NELL2: variants seen among roughly 807,000 people sequenced by gnomAD.
NELL2 encodes neural EGFL like 2.
A neutral mutation model predicts 109.6 loss-of-function variants in NELL2; 41 were observed. That is an observed-to-expected ratio of 0.37 (90% CI 0.29 to 0.49). The LOEUF (loss-of-function observed/expected upper bound fraction) is 0.49, where lower values mean the gene tolerates loss of function less well. Among genes scored for constraint, NELL2 ranks in the 20% least tolerant of loss-of-function variants. The pLI, the probability that NELL2 is intolerant of heterozygous loss-of-function variation, is 0.98. For missense variants in NELL2, 900 were observed against 1,008.3 expected, an observed-to-expected ratio of 0.89 and a Z score of 1.45; for synonymous variants, 355 against 344.7, an observed-to-expected ratio of 1.03 and a Z score of -0.33.
At chr12:44,870,796 G>T (rs1945139547) in intron 2 of NELL2, among the ~76,000 whole-genome samples, 1 of 152,070 alleles carries the variant, frequency 6.6e-6, no homozygotes, top group South Asian at 2.1e-4. Flanking sequence ...GATAACCTAT[G>T]ATAGCCTCCT....
At chr12:44,735,840 A>C (rs1212369096) in intron 9 of NELL2, among the ~76,000 whole-genome samples, 2 of 152,060 alleles carry the variant, frequency 1.3e-5, no homozygotes, top group East Asian at 1.9e-4. Flanking sequence ...CAAATAACTT[A>C]GCTTTTATGC....
At chr12:44,891,118 C>A (rs1945528857) in intron 1 of NELL2, among the ~76,000 whole-genome samples, 1 of 152,198 alleles carries the variant, frequency 6.6e-6, no homozygotes, top group East Asian at 1.9e-4. Context: ...CTACTGGTGT[C>A]CAAATTAACC....
At chr12:44,520,565 T>C (rs1467979443) in intron 18 of NELL2, among the ~76,000 whole-genome samples, 1 of 152,200 alleles carries the variant, frequency 6.6e-6, no homozygotes, top group African/African-American at 2.4e-5. Context: ...AATTTAACGT[T>C]TTTGCCCATG....
rs146613723 is a variant in NELL2, at chr12:44,639,782, T to C, written c.1444+25702A>G. The stretch of plus-strand genomic sequence containing the variant: ...TGTCTTTAAAACATCAACAGTATCA[T>C]GTCTCTCCTTTACTTAAAACACTTC... On this transcript the variant is annotated intron_variant, in intron 13 of 19. Coordinates refer to ENST00000429094, the MANE Select transcript of NELL2 (RefSeq NM_001145108.2). Among the ~76,000 whole-genome samples the C allele has an allele frequency of 4.3e-4, 66 of 152,182 alleles. 2 individuals are homozygous for C. The East Asian group carries it at 0.011, about 26-fold the overall frequency.
chr12:44,640,154 AT>A (rs1192131686), intron 13 of NELL2, among the ~76,000 whole-genome samples: 2 of 152,230 alleles, frequency 1.3e-5, no homozygotes, highest in Non-Finnish European at 2.9e-5. Context: ...CTTCACAAAT[AT>A]AAATGGGTTA....
chr12:44,548,103 C>T (rs1434069690), intron 15 of NELL2, among the ~76,000 whole-genome samples: 1 of 152,102 alleles, frequency 6.6e-6, no homozygotes, highest in African/African-American at 2.4e-5. Context: ...CAGCCTGGTA[C>T]ACATTAGTCC....
intron 15 of NELL2, among the ~76,000 whole-genome samples, chr12:44,564,054 A>G (rs1039457134): frequency 6.6e-6 from 1 of 152,196 alleles, no homozygotes; most frequent in Admixed American, 6.5e-5. Flanking sequence ...TAAATGAATG[A>G]CTTTGTGATA....
chr12:44,714,775 A>G (rs775392606), intron 9 of NELL2, 34 bp from the exon 10 acceptor site: 2 of 1,359,546 alleles, frequency 1.5e-6, no homozygotes, highest in Non-Finnish European at 2.0e-6. Context: ...TATTTATTTT[A>G]TTGGGAAAAA....
intron 13 of NELL2, among the ~76,000 whole-genome samples, chr12:44,648,731 ATTTTTTT>A (rs71459072): frequency 5.8e-4 from 52 of 89,680 alleles, no homozygotes; most frequent in African/African-American, 2.1e-3. Context: ...ATATATATAT[ATTTTTTT>A]TTTTTTTTTT....
chr12:44,790,355 A>T (rs1942335523), intron 3 of NELL2, among the ~76,000 whole-genome samples: 1 of 152,152 alleles, frequency 6.6e-6, no homozygotes, highest in Admixed American at 6.5e-5. Context: ...ATCAGCCAAG[A>T]ATTTTGTATC....
intron 1 of NELL2, chr12:44,881,667 G>A (rs747358538): frequency 3.9e-5 from 6 of 151,936 alleles, no homozygotes; most frequent in Non-Finnish European, 7.4e-5. Context: ...AAAAGAAAAT[G>A]TCATCAGAAT....
chr12:44,853,725 A>C (rs1944596334), intron 2 of NELL2, among the ~76,000 whole-genome samples: 1 of 152,200 alleles, frequency 6.6e-6, no homozygotes, highest in Admixed American at 6.5e-5. Context: ...AAAAACAAAC[A>C]TATGAATGAT....
intron 15 of NELL2, among the ~76,000 whole-genome samples, chr12:44,601,016 G>T (rs1945197827): frequency 1.3e-5 from 2 of 151,958 alleles, no homozygotes; most frequent in Admixed American, 1.3e-4. Flanking sequence ...CACAATACAA[G>T]TTAATATACA....
intron 13 of NELL2, among the ~76,000 whole-genome samples, chr12:44,628,069 T>C (rs1946328620): frequency 1.3e-5 from 2 of 152,198 alleles, no homozygotes; most frequent in African/African-American, 4.8e-5. Flanking sequence ...ACGTACTTTA[T>C]AATCAATGCT....
chr12:44,522,890 T>G, intron 17 of NELL2: 1 of 172,288 alleles, frequency 5.8e-6, no homozygotes, highest in South Asian at 1.4e-4. Context: ...GATAGATAAA[T>G]ACATTGGTAT....
intron 8 of NELL2, 142 bp from the exon 9 acceptor site, chr12:44,774,991 C>G: frequency 1.6e-6 from 1 of 614,012 alleles, no homozygotes. Flanking sequence ...GGAGGCGGTG[C>G]TGACAATCAC....
chr12:44,717,403 A>C (rs1332533222), intron 9 of NELL2, among the ~76,000 whole-genome samples: 2 of 152,172 alleles, frequency 1.3e-5, no homozygotes, highest in African/African-American at 4.8e-5. Flanking sequence ...TGGAATTCAA[A>C]GACGAATTTA....
chr12:44,876,354 C>G (rs2136849766), upstream of NELL2: 1 of 1,210,320 alleles, frequency 8.3e-7, no homozygotes, highest in Admixed American at 3.9e-5. Flanking sequence ...GACTGCTCCT[C>G]CGGGGAGGGA....
intron 12 of NELL2, among the ~76,000 whole-genome samples, chr12:44,686,934 G>A (rs575439752): frequency 1.6e-4 from 25 of 152,322 alleles, no homozygotes; most frequent in African/African-American, 6.0e-4. Context: ...GAGCTGTGGT[G>A]GGCTCCACCC....
Sources: allele counts gnomAD v4.1 joint callset (sites outside exome capture counted in the v4.1 genomes callset), GRCh38; gene constraint gnomAD v4.1.1; transcripts MANE v1.5; gene names NCBI Gene and HGNC (gene_info 2026-07-23, HGNC 2026-07-21).